Variants in DGKG observed in about 807,000 individuals in gnomAD.
The protein encoded by DGKG is diacylglycerol kinase gamma.
DGKG carries 78 observed loss-of-function variants against 105.3 expected under a neutral mutation model. The ratio of observed to expected loss-of-function variants is 0.74; its 90% CI spans 0.62 to 0.89. The LOEUF (loss-of-function observed/expected upper bound fraction) is 0.89, where lower values mean the gene tolerates loss of function less well. Among genes scored for constraint, DGKG ranks in the 40% least tolerant of loss-of-function variants. DGKG has a pLI of 0.00. For missense variants in DGKG, 958 were observed against 1,020.1 expected, an observed-to-expected ratio of 0.94 and a Z score of 0.83; for synonymous variants, 346 against 367.1, an observed-to-expected ratio of 0.94 and a Z score of 0.66.
chr3:186,270,613 C>A (rs940520272), intron 11 of DGKG, among the ~76,000 whole-genome samples: 2 of 152,186 alleles, frequency 1.3e-5, no homozygotes, highest in African/African-American at 2.4e-5. Context: ...TCTACATGGC[C>A]ACAATTGAAT....
intron 24 of DGKG, among the ~76,000 whole-genome samples, chr3:186,156,662 C>CT (rs531654312): frequency 4.0e-4 from 58 of 145,168 alleles, no homozygotes; most frequent in Middle Eastern, 3.6e-3. Context: ...TGTTCAAATC[C>CT]TTTTTTTTTT....
In DGKG at chr3:186,188,457, CGT is replaced by C. The variant is rs3217178; in HGVS notation, c.1918-80_1918-79del. 2,227 of 1,257,658 alleles carry C rather than the reference CGT, an allele frequency of 1.8e-3. 2 individuals are homozygous for C. The highest frequency in any genetic ancestry group is 5.2e-3 in the South Asian group (384 of 74,404). The allele number at this position is 1,257,658 out of a possible 1,614,324, so 77.9% of individuals were successfully genotyped here. A position where few individuals can be genotyped will look rare whatever the true frequency, so the allele number is the denominator to read the frequency against. ...CCAAGGTGCTCTGTGTGTGTGCGTG[CGT>C]GTGTGTGTGTGTACTCTCTTAAAGG... On this transcript the variant is annotated intron_variant, in intron 21 of 24. Coordinates refer to ENST00000265022, the MANE Select transcript of DGKG (RefSeq NM_001346.3).
Position 186,279,896 on chromosome 3 carries a change from C to T in DGKG, c.747G>A (p.Gly249=), listed in dbSNP as rs762931508. ...FVSLQEWVHG[G]MTTIPLLVLL... ...GGACCAGCAATGGGATGGTGGTCAT[C>T]CCTCCATGGACCCATTCCTGTAGAG... is the stretch of plus-strand genomic sequence containing the variant. Residue 249 remains glycine (G), a synonymous_variant, in exon 9 of 25, where the codon GGG becomes GGA. Coordinates refer to ENST00000265022, the MANE Select transcript of DGKG (RefSeq NM_001346.3). 3.1e-6 allele frequency: 5 copies of T among 1,614,006 alleles called. No individual in the cohort carries two copies. In the East Asian group the frequency reaches 6.7e-5, roughly 22 times the overall value.
In DGKG at chr3:186,221,739, C is replaced by A. The variant is rs1043419559; in HGVS notation, c.1827-9854G>T. 7.2e-5 allele frequency among the ~76,000 whole-genome samples: 11 copies of A among 152,290 alleles called. 1 individual carries two copies. In the Middle Eastern group the frequency reaches 0.014, roughly 188 times the overall value. ...AGGCTTAGAGAAGGTGGCTGTCCTG[C>A]TGGAGCTGAGCCTCTCGCTGTGGAA... On this transcript the variant is annotated intron_variant, in intron 20 of 24. Transcript: ENST00000265022.
intron 24 of DGKG, among the ~76,000 whole-genome samples, chr3:186,150,803 G>A (rs183602110): frequency 6.6e-6 from 1 of 152,282 alleles, no homozygotes; most frequent in Admixed American, 6.5e-5. Context: ...GGGTTTATAA[G>A]TGTTTCCTCC....
rs768195151 is a variant in DGKG at position 186,188,238 on chromosome 3, C to T, written c.2059G>A (p.Val687Ile). 11 of 1,614,068 alleles carry T rather than the reference C, an allele frequency of 6.8e-6. No homozygotes were observed. In the African/African-American group the frequency reaches 1.2e-4, roughly 18 times the overall value. Residue 687 changes from valine to isoleucine, a missense_variant, in exon 22 of 25, where the codon GTC (valine) becomes ATC (isoleucine). This residue lies in a region of DGKG where 315 missense variants were observed against 400.6 expected (regional missense o/e 0.79). Coordinates refer to ENST00000265022, the MANE Select transcript of DGKG (RefSeq NM_001346.3). ...RAVIRESRKG[V>I]TDPKELKFCV... ...AATTTCAGTTCTTTGGGGTCAGTGA[C>T]ACCCTTCCTGCTTTCCCGGATCACA... is the stretch of plus-strand genomic sequence containing the variant.
At chr3:186,207,537 AC>A in intron 21 of DGKG, 1 of 979,366 alleles carries the variant, frequency 1.0e-6, no homozygotes, top group Non-Finnish European at 1.2e-6. Context: ...ACATAAAAAA[AC>A]AAAAACAAAA....
Position 186,148,563 on chromosome 3 carries a change from A to G in DGKG, c.*1527T>C. ...GTGGACTCACTTTTCAGTGACCAGA[A>G]ATGACCCTACTCTGAGATGTGTGGG... is the stretch of plus-strand genomic sequence containing the variant. On this transcript the variant is annotated 3_prime_UTR_variant, in exon 25 of 25. Transcript: ENST00000265022. The G allele has an allele frequency of 1.0e-6, 1 of 985,382 alleles. No homozygotes were observed. Among genetic ancestry groups the G allele is most frequent in the African/African-American group, 1.7e-5 (1 of 57,330 alleles). The allele number at this position is 985,382 out of a possible 1,614,324, so 61.0% of individuals were successfully genotyped here. A position where few individuals can be genotyped will look rare whatever the true frequency, so the allele number is the denominator to read the frequency against.
At chr3:186,215,989 C>A (rs1433235725) in intron 20 of DGKG, among the ~76,000 whole-genome samples, 2 of 151,246 alleles carry the variant, frequency 1.3e-5, no homozygotes, top group Non-Finnish European at 3.0e-5. Flanking sequence ...CCCTGCCCCA[C>A]CCCCCAAACC....
At chr3:186,268,778 G>A (rs761068842) in intron 12 of DGKG, 23 bp downstream of exon 12, 1 of 1,553,440 alleles carries the variant, frequency 6.4e-7, no homozygotes, top group Non-Finnish European at 8.9e-7. Flanking sequence ...AAAGAAGCAG[G>A]GCCGCCCTGG....
chr3:186,323,638 A>G (rs528439549), intron 1 of DGKG, among the ~76,000 whole-genome samples: 163 of 152,142 alleles, frequency 1.1e-3, no homozygotes, highest in Non-Finnish European at 2.4e-4. Context: ...CTAAAAATAC[A>G]AAAATTAGCT....
Position 186,273,620 on chromosome 3 carries a change from G to A in DGKG, c.911-1277C>T, listed in dbSNP as rs141449945. Among the ~76,000 whole-genome samples the A allele has an allele frequency of 4.5e-3, 681 of 152,106 alleles. 14 individuals carry two copies. The highest frequency in any genetic ancestry group is 0.028 in the East Asian group (145 of 5,158). On this transcript the variant is annotated intron_variant, in intron 10 of 24. Transcript: ENST00000265022. ...GGTCTCCTGACCTCGTGATCCACCC[G>A]TCTTGGCCTCCCAAAGTGCTGGGAT...
At chr3:186,233,575 G>T (rs1720263440) in intron 20 of DGKG, among the ~76,000 whole-genome samples, 1 of 152,180 alleles carries the variant, frequency 6.6e-6, no homozygotes, top group African/African-American at 2.4e-5. Context: ...CGCCTCCCGG[G>T]TTCACGCCAT....
chr3:186,273,109 T>C (rs1015740612), intron 10 of DGKG, among the ~76,000 whole-genome samples: 1 of 152,136 alleles, frequency 6.6e-6, no homozygotes, highest in African/African-American at 2.4e-5. Flanking sequence ...ATTCAGGGTT[T>C]TCTGTAAAAA....
intron 15 of DGKG, among the ~76,000 whole-genome samples, chr3:186,260,899 AC>A (rs2108572979): frequency 6.6e-6 from 1 of 152,312 alleles, no homozygotes; most frequent in Admixed American, 6.5e-5. Context: ...TGCAGACTGT[AC>A]AAAAGCATCA....
chr3:186,158,950 T>A (rs960412149), intron 24 of DGKG: 19 of 484,782 alleles, frequency 3.9e-5, no homozygotes, highest in Non-Finnish European at 5.1e-5. Flanking sequence ...TACTATGTCT[T>A]CCTTTTAATT....
intron 1 of DGKG, among the ~76,000 whole-genome samples, chr3:186,322,200 A>G (rs2108642214): frequency 6.6e-6 from 1 of 152,344 alleles, no homozygotes; most frequent in South Asian, 2.1e-4. Context: ...GGAAGACTGG[A>G]TAAAGCAAAT....
chr3:186,240,559 C>T (rs2108550146), intron 20 of DGKG, among the ~76,000 whole-genome samples: 1 of 152,244 alleles, frequency 6.6e-6, no homozygotes, highest in East Asian at 1.9e-4. Context: ...TCTGTAATCC[C>T]AGCACTTTGG....
At chr3:186,224,179 A>G (rs1474623962) in intron 20 of DGKG, among the ~76,000 whole-genome samples, 1 of 152,180 alleles carries the variant, frequency 6.6e-6, no homozygotes, top group Non-Finnish European at 1.5e-5. Context: ...CTGGCCAAAA[A>G]TATTCCGCTT....
Sources: gnomAD v4.1 joint callset for allele counts (sites outside exome capture counted in the v4.1 genomes callset) on GRCh38, gnomAD v4.1.1 for gene constraint, gnomAD v4.1.1 regional missense constraint, MANE v1.5 for transcripts, NCBI Gene and HGNC (gene_info 2026-07-23, HGNC 2026-07-21) for gene names.